The following SGCZ variants were observed in gnomAD, a reference collection of about 807,000 sequenced individuals.
SGCZ encodes sarcoglycan zeta, also known as zeta-sarcoglycan.
In SGCZ, 40 loss-of-function variants were observed where a neutral mutation model predicts 41.3. The observed-to-expected ratio is 0.97, with a 90% confidence interval of 0.75 to 1.26. SGCZ has a LOEUF of 1.26. Among genes scored for constraint, SGCZ ranks in the 50% most tolerant of loss-of-function variants. The pLI is 0.00. For synonymous variants in SGCZ, 206 were observed against 137.5 expected (o/e 1.50, Z -3.49); for missense variants, 552 against 369.8 (o/e 1.49, Z -4.04).
At chr8:14,406,953 C>T (rs1203741848) in intron 2 of SGCZ, among the ~76,000 whole-genome samples, 1 of 151,878 alleles carries the variant, frequency 6.6e-6, no homozygotes, top group Non-Finnish European at 1.5e-5. Flanking sequence ...CTTTAGAATT[C>T]TTTCACGGGT....
At chr8:14,498,119 ACTC>A (rs1364514212) in intron 2 of SGCZ, among the ~76,000 whole-genome samples, 1 of 151,976 alleles carries the variant, frequency 6.6e-6, no homozygotes, top group Admixed American at 6.6e-5. Context: ...AGTTTACTAT[ACTC>A]TTTGTTGATT....
intron 1 of SGCZ, among the ~76,000 whole-genome samples, chr8:14,680,969 A>G (rs1452614128): frequency 6.6e-6 from 1 of 150,522 alleles, no homozygotes; most frequent in Non-Finnish European, 1.5e-5. Context: ...AGTGGGAAAA[A>G]AAAAAAAAAA....
chr8:14,506,527 T>C (rs1439698295), intron 2 of SGCZ, among the ~76,000 whole-genome samples: 2 of 151,980 alleles, frequency 1.3e-5, no homozygotes, highest in Non-Finnish European at 2.9e-5. Flanking sequence ...AGTCTCCTAA[T>C]TCCACATCCC....
chr8:15,053,504 T>C (rs913316230), intron 1 of SGCZ, among the ~76,000 whole-genome samples: 1 of 152,174 alleles, frequency 6.6e-6, no homozygotes, highest in African/African-American at 2.4e-5. Flanking sequence ...GAATGGTAGC[T>C]GGCTGCTTAT....
chr8:14,819,040 A>G (rs1266614580), intron 1 of SGCZ, among the ~76,000 whole-genome samples: 3 of 152,132 alleles, frequency 2.0e-5, no homozygotes, highest in Admixed American at 1.3e-4. Flanking sequence ...ATCCAGATTC[A>G]GGAAGCTCAA....
intron 1 of SGCZ, among the ~76,000 whole-genome samples, chr8:14,916,038 A>G (rs1284122190): frequency 6.6e-6 from 1 of 152,222 alleles, no homozygotes; most frequent in African/African-American, 2.4e-5. Context: ...TGACAACTGA[A>G]ACACGAATAT....
At chr8:14,510,962 G>A (rs1802449829) in intron 2 of SGCZ, among the ~76,000 whole-genome samples, 1 of 152,098 alleles carries the variant, frequency 6.6e-6, no homozygotes, top group South Asian at 2.1e-4. Flanking sequence ...ACTTCAGCTG[G>A]TACCCAACTC....
At chr8:14,814,639 G>C (rs1484485411) in intron 1 of SGCZ, among the ~76,000 whole-genome samples, 1 of 152,174 alleles carries the variant, frequency 6.6e-6, no homozygotes, top group African/African-American at 2.4e-5. Context: ...GAAGATGGGA[G>C]GACGCAAGCT....
intron 2 of SGCZ, among the ~76,000 whole-genome samples, chr8:14,534,735 T>C (rs17119718): frequency 6.6e-6 from 1 of 151,862 alleles, no homozygotes; most frequent in Non-Finnish European, 1.5e-5. Flanking sequence ...TATAAACTCA[T>C]TGAAAGAAAG....
intron 1 of SGCZ, among the ~76,000 whole-genome samples, chr8:14,701,417 T>A (rs56851701): frequency 0.035 from 5,293 of 152,068 alleles, 304 homozygotes; most frequent in African/African-American, 0.12. Context: ...CTTTTTGTTT[T>A]CTTTCTCTAT....
intron 1 of SGCZ, among the ~76,000 whole-genome samples, chr8:15,237,121 G>T (rs546755414): frequency 6.6e-6 from 1 of 152,230 alleles, no homozygotes; most frequent in Non-Finnish European, 1.5e-5. Flanking sequence ...ATCTCCGAGC[G>T]GAAATGCACT....
At chr8:14,547,872 T>C (rs548952199) in intron 2 of SGCZ, among the ~76,000 whole-genome samples, 1 of 152,340 alleles carries the variant, frequency 6.6e-6, no homozygotes, top group African/African-American at 2.4e-5. Context: ...ATTTACAAAA[T>C]TATAAACCCC....
chr8:14,228,415 T>C (rs1164857982), intron 4 of SGCZ, among the ~76,000 whole-genome samples: 1 of 152,098 alleles, frequency 6.6e-6, no homozygotes, highest in East Asian at 1.9e-4. Flanking sequence ...TTTTATCCTT[T>C]AACTGGCTCT....
At chr8:14,153,913 T>C (rs962016384) in intron 5 of SGCZ, among the ~76,000 whole-genome samples, 1 of 114,346 alleles carries the variant, frequency 8.7e-6, no homozygotes, top group African/African-American at 3.9e-5. Flanking sequence ...TCTCTCTCTC[T>C]CTCTCTCTCT....
rs1182329393 is a variant in SGCZ, at chr8:14,146,890, A to AAAAAAAAAAAAAAATAATAAT, written c.547+17689_547+17690insATTATTATTTTTTTTTTTTTT. Among the ~76,000 whole-genome samples, 30 of 116,130 alleles carry AAAAAAAAAAAAAAATAATAAT rather than the reference A, an allele frequency of 2.6e-4. 1 individual carries two copies. The highest frequency in any genetic ancestry group is 3.4e-4 in the Admixed American group (4 of 11,634). 76.2% of individuals were successfully genotyped at this position (116,130 alleles called of 152,430 possible). A position where few individuals can be genotyped will look rare whatever the true frequency, so the allele number is the denominator to read the frequency against. On this transcript the variant is annotated intron_variant, in intron 5 of 7. Coordinates refer to ENST00000382080, the MANE Select transcript of SGCZ (RefSeq NM_139167.4). ...CCGTCTCAAAAAATAAAAATAAAAA[A>AAAAAAAAAAAAAAATAATAAT]AATAATAATAATAATAACTACAGCA...
At chr8:15,148,453 A>G (rs987658475) in intron 1 of SGCZ, among the ~76,000 whole-genome samples, 1 of 152,180 alleles carries the variant, frequency 6.6e-6, no homozygotes, top group African/African-American at 2.4e-5. Flanking sequence ...CCTGGGTATT[A>G]TAGCATGACT....
intron 5 of SGCZ, among the ~76,000 whole-genome samples, chr8:14,128,090 G>T (rs1802920439): frequency 6.6e-6 from 1 of 152,140 alleles, no homozygotes; most frequent in Admixed American, 6.5e-5. Context: ...AAAAATAACA[G>T]ATTCTGGCGA....
intron 2 of SGCZ, among the ~76,000 whole-genome samples, chr8:14,427,054 GAATGAATGAAT>G (rs1290284666): frequency 6.3e-5 from 9 of 142,946 alleles, no homozygotes; most frequent in African/African-American, 2.3e-4. Context: ...ATGAATGAAT[GAATGAATGAAT>G]GAGTGAATGA....
intron 1 of SGCZ, among the ~76,000 whole-genome samples, chr8:15,030,836 G>T (rs1372543755): frequency 2.6e-5 from 4 of 152,042 alleles, no homozygotes; most frequent in African/African-American, 9.7e-5. Context: ...CCAGAAGAAG[G>T]GCTATTTGAG....
Sources: gnomAD v4.1 joint callset for allele counts (sites outside exome capture counted in the v4.1 genomes callset) on GRCh38, gnomAD v4.1.1 for gene constraint, MANE v1.5 for transcripts, NCBI Gene and HGNC (gene_info 2026-07-23, HGNC 2026-07-21) for gene names.